MYL5: variants seen among roughly 807,000 people sequenced by gnomAD.
MYL5 encodes the protein myosin regulatory light chain 5.
MYL5 carries 28 observed loss-of-function variants against 20.8 expected under a neutral mutation model. That is an observed-to-expected ratio of 1.35 (90% CI 1.00 to 1.84). MYL5 has a LOEUF of 1.84. Ranked by LOEUF, MYL5 falls within the 40% of genes most tolerant of loss-of-function variation. The pLI, the probability that MYL5 is intolerant of heterozygous loss-of-function variation, is 0.00. For synonymous variants in MYL5, 118 were observed against 87.4 expected, an observed-to-expected ratio of 1.35 and a Z score of -1.95; for missense variants, 274 against 227.3, an observed-to-expected ratio of 1.21 and a Z score of -1.32.
rs771639336 is a variant in MYL5, at chr4:680,498, C to T, written c.293-11C>T. 1 of 1,613,594 alleles carries T rather than the reference C, an allele frequency of 6.2e-7. No individual in the cohort carries two copies. Among genetic ancestry groups the T allele is most frequent in the South Asian group, 1.1e-5 (1 of 91,088 alleles). On this transcript the variant is annotated splice_polypyrimidine_tract_variant and intron_variant, in intron 4 of 6. Transcript: ENST00000400159. ...CCTGACGGCCCTGGGCTGAAGGTGC[C>T]TTTGTGGCAGGTACCGACGCCGAGG...
In MYL5 at chr4:678,047, C is replaced by T. The variant is rs2109328192; in HGVS notation, c.3+18C>T. 4 of 1,613,130 alleles carry T rather than the reference C, an allele frequency of 2.5e-6. No homozygotes were observed. The highest frequency in any genetic ancestry group is 1.7e-4 in the Middle Eastern group (1 of 6,048). ...CAGGCATGGTGAGCAGGCCGCCGTG[C>T]ATGCCTGGGGCAGGCGTGTGGGTGT... On this transcript the variant is annotated intron_variant, in intron 1 of 6. Coordinates refer to ENST00000400159, the Ensembl canonical transcript of MYL5.
intron 6 of MYL5, 188 bp from the exon 9 acceptor site, chr4:681,686 CCCCCTCCAGCGCCGCCCCG>C (rs1739636605): frequency 6.6e-5 from 3 of 45,458 alleles, no homozygotes; most frequent in African/African-American, 3.0e-4. Context: ...CGCCGCCCCG[CCCCCTCCAGCGCCGCCCCG>C]CCCCCTCCAG....
At chr4:681,043 C>T (rs765477700) in intron 5 of MYL5, 49 bp from the exon 8 acceptor site, 5 of 1,560,974 alleles carry the variant, frequency 3.2e-6, no homozygotes, top group Non-Finnish European at 4.3e-6. Context: ...ACCGAGAAGG[C>T]TCCTGCACCC....
At chr4:677,632 A>C (rs1280330048), upstream of MYL5, among the ~76,000 whole-genome samples, 1 of 152,204 alleles carries the variant, frequency 6.6e-6, no homozygotes, top group African/African-American at 2.4e-5. Context: ...AGCGTTGTGC[A>C]AATCTAGAAA....
In MYL5 at chr4:678,209, T is replaced by C. The variant is rs534483918; in HGVS notation, c.3+180T>C. The C allele has an allele frequency of 3.3e-6, 5 of 1,511,894 alleles. No individual in the cohort carries two copies. The Admixed American group carries it at 8.0e-5, about 24-fold the overall frequency. 93.7% of individuals were successfully genotyped at this position (1,511,894 alleles called of 1,614,324 possible). ...GTGTGTATGTGCGTGTGTGTGACCT[T>C]GCGGGTGTGGGCTGTGCTGTGTTGT... On this transcript the variant is annotated intron_variant, in intron 1 of 6. Transcript: ENST00000400159.
exon 6 of MYL5, chr4:681,140 G>A: frequency 2.5e-6 from 4 of 1,604,718 alleles, no homozygotes; most frequent in African/African-American, 1.3e-5. Context: ...CGGCGGAAGA[G>A]GTCTGGCCCG....
upstream of MYL5, chr4:675,840 C>T (rs972472164): frequency 6.6e-6 from 1 of 152,268 alleles, no homozygotes; most frequent in Non-Finnish European, 1.5e-5. Context: ...GCACTTGGAT[C>T]TGGATTGCGC....
intron 1 of MYL5, 124 bp downstream of exon 3, chr4:678,153 GTGCTC>G: frequency 2.6e-6 from 4 of 1,548,212 alleles, no homozygotes; most frequent in East Asian, 2.4e-5. Context: ...GTGTGGGCGT[GTGCTC>G]TGCCTGCATA....
intron 2 of MYL5, 85 bp downstream of exon 4, chr4:678,850 C>G (rs1739129216): frequency 1.0e-5 from 16 of 1,606,914 alleles, no homozygotes; most frequent in Middle Eastern, 1.7e-4. Context: ...CCAGGGCCAG[C>G]AGGAGTGGAA....
At position 681,146 on chromosome 4, in the gene MYL5, GC is replaced by G; in HGVS notation, c.420+9del. The G allele has an allele frequency of 6.2e-7, 1 of 1,603,272 alleles. No homozygotes were observed. Among genetic ancestry groups the G allele is most frequent in the Non-Finnish European group, 8.5e-7 (1 of 1,175,980 alleles). On this transcript the variant is annotated splice_region_variant and intron_variant, in intron 6 of 6. Transcript: ENST00000400159. ...ACAAGATGACGGCGGAAGAGGTCTG[GC>G]CCGCGGCTTCCCTGCCAAGCCCACG...
chr4:678,691 G>A, exon 2 of MYL5: 2 of 1,611,312 alleles, frequency 1.2e-6, no homozygotes, highest in South Asian at 1.1e-5. Flanking sequence ...GGAAGGGGGT[G>A]CCCTCCGGGC....
In MYL5 at chr4:678,150, C is replaced by T. The variant is rs142773429; in HGVS notation, c.3+121C>T. The T allele has an allele frequency of 8.9e-5, 138 of 1,548,048 alleles. 2 individuals carry two copies. In the East Asian group the frequency reaches 2.6e-3, roughly 30 times the overall value. On this transcript the variant is annotated intron_variant, in intron 1 of 6. Transcript: ENST00000400159. Reference sequence around the variant, plus strand: ...GCTTGCGTGTGAATGCAGGTGTGGGCGTGTGCTCTGCCTGCATATGTGTGT... The same window carrying T: ...GCTTGCGTGTGAATGCAGGTGTGGGTGTGTGCTCTGCCTGCATATGTGTGT...
At chr4:677,255 G>A (rs190185025), upstream of MYL5, among the ~76,000 whole-genome samples, 251 of 152,282 alleles carry the variant, frequency 1.6e-3, 1 homozygote, top group African/African-American at 5.9e-3. Flanking sequence ...CCTTGAACCA[G>A]GGCATCTGGA....
chr4:680,722 G>A, intron 5 of MYL5, 135 bp downstream of exon 7: 2 of 893,940 alleles, frequency 2.2e-6, no homozygotes, highest in South Asian at 1.6e-5. Flanking sequence ...GCCATGAGGA[G>A]CGAACCCAGG....
At chr4:679,247 A>C in intron 3 of MYL5, 1 of 679,770 alleles carries the variant, frequency 1.5e-6, no homozygotes, top group Admixed American at 2.3e-5. Context: ...GGTGGGTGGG[A>C]CAGCCCAAGC....
exon 5 of MYL5, chr4:680,559 G>T: frequency 6.2e-7 from 1 of 1,613,526 alleles, no homozygotes; most frequent in Non-Finnish European, 8.5e-7. Flanking sequence ...GCTGGACCCG[G>T]ACGGGAAAGG....
intron 3 of MYL5, chr4:679,241 G>A: frequency 1.5e-6 from 1 of 683,686 alleles, no homozygotes; most frequent in Non-Finnish European, 2.6e-6. Context: ...AGACAGGGTG[G>A]GTGGGACAGC....
chr4:681,913 C>T lies in MYL5; in HGVS notation c.441C>T (p.Phe147=), dbSNP rs774445314. The T allele has an allele frequency of 2.7e-5, 36 of 1,318,546 alleles. No individual in the cohort carries two copies. The East Asian group carries it at 8.4e-4, about 31-fold the overall frequency. The allele number at this position is 1,318,546 out of a possible 1,614,324, so 81.7% of individuals were successfully genotyped here. A position where few individuals can be genotyped will look rare whatever the true frequency, so the allele number is the denominator to read the frequency against. Residue 147 remains phenylalanine, a synonymous_variant, in exon 7 of 7, where the codon TTC becomes TTT. Coordinates refer to ENST00000400159, the Ensembl canonical transcript of MYL5. ...CGCAGGTGGACCAGATGTTCCAGTT[C>T]GCCTCCATCGATGTGGCGGGCAACC...
chr4:681,654 AGCGCCGCCCCGCCCCCTCCAGCGCC>A (rs1739610306), intron 6 of MYL5, among the ~76,000 whole-genome samples: 17 of 1,406 alleles, frequency 0.012, no homozygotes, highest in South Asian at 0.025. Flanking sequence ...CGCCCCCTCC[AGCGCCGCCCCGCCCCCTCCAGCGCC>A]GCCCCGCCCC....
Sources: allele counts gnomAD v4.1 joint callset (sites outside exome capture counted in the v4.1 genomes callset), GRCh38; gene constraint gnomAD v4.1.1; transcripts MANE v1.5; gene names NCBI Gene and HGNC (gene_info 2026-07-23, HGNC 2026-07-21).